Variants in NR3C1 observed in about 807,000 individuals in gnomAD.
NR3C1 encodes glucocorticoid receptor.
Under a neutral mutation model 74.0 loss-of-function variants are expected in NR3C1, and 14 were observed. That is an observed-to-expected ratio of 0.19 (90% CI 0.12 to 0.30). NR3C1 has a LOEUF of 0.30. Ranked by LOEUF, NR3C1 falls within the 10% of genes least tolerant of loss-of-function variation. The probability of loss-of-function intolerance (pLI) is 1.00; values close to 1 mark genes in which losing one functional copy is unlikely to be tolerated. For missense variants in NR3C1, 695 were observed against 909.8 expected (o/e 0.76, Z 3.04); for synonymous variants, 308 against 332.5 (o/e 0.93, Z 0.80).
At chr5:143,298,957 C>A in intron 5 of NR3C1, 145 bp from the exon 6 acceptor site, 2 of 636,778 alleles carry the variant, frequency 3.1e-6, no homozygotes, top group Non-Finnish European at 2.8e-6. Context: ...TAGGTAGACA[C>A]AGTTTTCTTC....
At chr5:143,335,095 G>A (rs947123757) in intron 2 of NR3C1, among the ~76,000 whole-genome samples, 1 of 152,168 alleles carries the variant, frequency 6.6e-6, no homozygotes, top group Non-Finnish European at 1.5e-5. Context: ...ACTGGTTGAC[G>A]CTATTTGTGG....
chr5:143,422,412 C>T (rs1263355984), intron 1 of NR3C1, among the ~76,000 whole-genome samples: 2 of 152,292 alleles, frequency 1.3e-5, no homozygotes, highest in East Asian at 1.9e-4. Flanking sequence ...CTGTTTCTCA[C>T]TGTTCTTATC....
At chr5:143,428,849 A>G (rs927350848) in intron 1 of NR3C1, among the ~76,000 whole-genome samples, 8 of 152,174 alleles carry the variant, frequency 5.3e-5, no homozygotes, top group African/African-American at 1.9e-4. Flanking sequence ...CGCCATTCTG[A>G]CTACCACCCA....
intron 2 of NR3C1, among the ~76,000 whole-genome samples, chr5:143,329,791 G>A (rs986128022): frequency 1.3e-5 from 2 of 152,014 alleles, no homozygotes; most frequent in Non-Finnish European, 1.5e-5. Flanking sequence ...GCATTCTCCA[G>A]ATACAGATAA....
chr5:143,395,227 G>A (rs1350889297), intron 2 of NR3C1, among the ~76,000 whole-genome samples: 24 of 151,740 alleles, frequency 1.6e-4, no homozygotes, highest in Admixed American at 1.4e-3. Flanking sequence ...TTCTCAATAG[G>A]AATATTTTAT....
chr5:143,371,415 A>T (rs1834201703), intron 2 of NR3C1, among the ~76,000 whole-genome samples: 1 of 152,220 alleles, frequency 6.6e-6, no homozygotes, highest in Non-Finnish European at 1.5e-5. Flanking sequence ...ATTTCATATC[A>T]TTCTTTTCTG....
At chr5:143,388,026 A>G (rs957977357) in intron 2 of NR3C1, among the ~76,000 whole-genome samples, 1 of 152,154 alleles carries the variant, frequency 6.6e-6, no homozygotes, top group Non-Finnish European at 1.5e-5. Flanking sequence ...AAAAGTTCCT[A>G]TATTGACAAT....
chr5:143,412,878 A>G (rs1300566826), intron 1 of NR3C1, among the ~76,000 whole-genome samples: 1 of 152,174 alleles, frequency 6.6e-6, no homozygotes, highest in Non-Finnish European at 1.5e-5. Flanking sequence ...TTCAGTTTGG[A>G]TATGTTGTTT....
At chr5:143,391,104 TC>T (rs988268076) in intron 2 of NR3C1, among the ~76,000 whole-genome samples, 2 of 152,308 alleles carry the variant, frequency 1.3e-5, no homozygotes, top group Admixed American at 1.3e-4. Context: ...CCAGCTGAAT[TC>T]CAGATGACAA....
At chr5:143,404,431 G>A, upstream of NR3C1, 1 of 985,542 alleles carries the variant, frequency 1.0e-6, no homozygotes, top group Non-Finnish European at 1.2e-6. Flanking sequence ...CATCATCTGG[G>A]CGGCCGGGTC....
At chr5:143,326,084 A>G (rs1824539297) in intron 2 of NR3C1, among the ~76,000 whole-genome samples, 1 of 152,230 alleles carries the variant, frequency 6.6e-6, no homozygotes, top group Admixed American at 6.5e-5. Flanking sequence ...TACTGAGTCC[A>G]TTTTACAGAT....
chr5:143,338,607 GA>G (rs1827611714), intron 2 of NR3C1, among the ~76,000 whole-genome samples: 1 of 152,102 alleles, frequency 6.6e-6, no homozygotes, highest in Non-Finnish European at 1.5e-5. Flanking sequence ...GCTTACAGAA[GA>G]AGGACATAAA....
At chr5:143,397,359 A>AGGGT (rs773543127) in intron 2 of NR3C1, among the ~76,000 whole-genome samples, 2 of 151,874 alleles carry the variant, frequency 1.3e-5, no homozygotes, top group Non-Finnish European at 1.5e-5. Context: ...CTGATCACTC[A>AGGGT]GGGTCACTGG....
intron 4 of NR3C1, among the ~76,000 whole-genome samples, chr5:143,306,503 A>G (rs540761282): frequency 4.6e-5 from 7 of 152,358 alleles, no homozygotes; most frequent in African/African-American, 1.7e-4. Flanking sequence ...ATAGTTTTAC[A>G]GTGAAACCAC....
chr5:143,384,860 A>C (rs1037469249), intron 2 of NR3C1, among the ~76,000 whole-genome samples: 3 of 152,186 alleles, frequency 2.0e-5, no homozygotes, highest in Admixed American at 6.5e-5. Context: ...TCACGGCTCC[A>C]CTAGGCAGTG....
intron 2 of NR3C1, among the ~76,000 whole-genome samples, chr5:143,390,581 G>A (rs1328667073): frequency 3.3e-5 from 5 of 152,096 alleles, no homozygotes; most frequent in Non-Finnish European, 5.9e-5. Flanking sequence ...TCATTACTAT[G>A]CCAAGAAGAG....
At chr5:143,376,796 G>T (rs1490213330) in intron 2 of NR3C1, among the ~76,000 whole-genome samples, 1 of 152,192 alleles carries the variant, frequency 6.6e-6, no homozygotes, top group African/African-American at 2.4e-5. Flanking sequence ...CTGCATTCCA[G>T]GTGTAGCTGT....
chr5:143,308,985 A>T (rs1477546619), intron 4 of NR3C1, among the ~76,000 whole-genome samples: 1 of 152,006 alleles, frequency 6.6e-6, no homozygotes, highest in African/African-American at 2.4e-5. Context: ...TCAGAGGAAA[A>T]TTTTTTAATG....
chr5:143,342,829 G>A (rs1466970600), intron 2 of NR3C1, among the ~76,000 whole-genome samples: 7 of 152,120 alleles, frequency 4.6e-5, no homozygotes, highest in Non-Finnish European at 1.0e-4. Flanking sequence ...GATTCATGCC[G>A]CCATGTGAGA....
Sources: allele counts gnomAD v4.1 joint callset (sites outside exome capture counted in the v4.1 genomes callset), GRCh38; gene constraint gnomAD v4.1.1; transcripts MANE v1.5; gene names NCBI Gene and HGNC (gene_info 2026-07-23, HGNC 2026-07-21).